The following ZNF469 variants were observed in gnomAD, a reference collection of about 807,000 sequenced individuals.
ZNF469 encodes zinc finger protein 469.
In ZNF469, 1 loss-of-function variant was observed where a neutral mutation model predicts 1.0. The ratio of observed to expected loss-of-function variants is 1.00; its 90% confidence interval spans 0.35 to 4.73. ZNF469 has a LOEUF of 4.73. Among genes scored for constraint, ZNF469 ranks in the 30% most tolerant of loss-of-function variants. The pLI, the probability that ZNF469 is intolerant of heterozygous loss-of-function variation, is 0.16. For synonymous variants in ZNF469, 2,703 were observed against 2,363.4 expected (o/e 1.14, Z -4.17); for missense variants, 6,100 against 5,356.3 (o/e 1.14, Z -4.33).
chr16:88,328,449 C>T, the ZNF469 span, among the ~76,000 whole-genome samples: 1 of 152,154 alleles, frequency 6.6e-6, no homozygotes, highest in African/African-American at 2.4e-5. Flanking sequence ...TCAGCCGGGG[C>T]CTGGCCGCAT....
At position 88,436,549 on chromosome 16, in the gene ZNF469, C is replaced by T. The variant is rs376513000; in HGVS notation, c.9079C>T (p.Arg3027Cys). Residue 3027 changes from arginine (R) to cysteine (C), a missense_variant, in exon 3 of 3, where the codon CGC (arginine) becomes TGC (cysteine). By Grantham distance (180) the Arg-to-Cys change is radical. Transcript: ENST00000565624. ...CGAGCCCCCCAGCCTGGAGAGAGAA[C>T]GCTGTGACGGTGGGCTTCCCGGGAA... ...SPEPPSLERERCDGGLPGNTH... is the reference protein window; with the variant it reads ...SPEPPSLERECCDGGLPGNTH... 137 of 1,549,702 alleles carry T rather than the reference C, an allele frequency of 8.8e-5. 1 individual carries two copies. The African/African-American group carries it at 1.4e-3, about 16-fold the overall frequency.
the ZNF469 span, among the ~76,000 whole-genome samples, chr16:88,204,779 G>C: frequency 1.3e-5 from 2 of 152,150 alleles, no homozygotes; most frequent in African/African-American, 4.8e-5. Flanking sequence ...CTGGAGTGGG[G>C]CGTTCACTGG....
Position 88,437,920 on chromosome 16 carries a change from C to T in ZNF469, c.10450C>T (p.Pro3484Ser). The change falls in exon 3 of 3, where the codon CCT (proline) becomes TCT (serine). Residue 3484 changes from proline to serine, a missense_variant. By Grantham distance (74) the Pro-to-Ser change is moderately conservative (BLOSUM62 -1). Coordinates refer to ENST00000565624, the MANE Select transcript of ZNF469 (RefSeq NM_001367624.2). ...RRRVAMPGSA[P>S]GPGEDRPPPR... ...CAGGGTGGCCATGCCCGGCAGTGCC[C>T]CTGGGCCCGGCGAGGACAGGCCTCC... is the stretch of plus-strand genomic sequence containing the variant. 1 of 1,540,814 alleles carries T rather than the reference C, an allele frequency of 6.5e-7. No homozygotes were observed. The highest frequency in any genetic ancestry group is 8.8e-7 in the Non-Finnish European group (1 of 1,142,078).
At chr16:88,175,562 T>C in the ZNF469 span, among the ~76,000 whole-genome samples, 3 of 152,186 alleles carry the variant, frequency 2.0e-5, no homozygotes, top group African/African-American at 7.2e-5. Flanking sequence ...ACCTAAATAT[T>C]TGAAATTAAA....
chr16:88,381,267 C>G (rs1318696497), upstream of ZNF469, among the ~76,000 whole-genome samples: 1 of 150,772 alleles, frequency 6.6e-6, no homozygotes, highest in Non-Finnish European at 1.5e-5. Context: ...CGCACTCACA[C>G]AGACATGCAC....
chr16:88,429,965 T>C lies in ZNF469; in HGVS notation c.2495T>C (p.Leu832Pro). Residue 832 changes from leucine (L) to proline (P), a missense_variant, in exon 3 of 3, where the codon CTG (leucine) becomes CCG (proline). Leu to Pro is a moderately conservative substitution (Grantham distance 98). Transcript: ENST00000565624. ...ATPFPLPASD[L>P]DMEDDAKLDS... ...CCCTTCCCGCTCCCTGCCTCGGACC[T>C]GGACATGGAGGATGACGCCAAGCTG... 4 of 1,550,216 alleles carry C rather than the reference T, an allele frequency of 2.6e-6. No individual in the cohort carries two copies. In the South Asian group the frequency reaches 4.8e-5, roughly 18 times the overall value.
the ZNF469 span, among the ~76,000 whole-genome samples, chr16:88,107,093 C>T: frequency 7.2e-5 from 11 of 152,262 alleles, no homozygotes; most frequent in South Asian, 6.2e-4. Flanking sequence ...CTCTCAGGCC[C>T]GCACGGGAGG....
In ZNF469 at chr16:88,433,998, A is replaced by G. The variant is rs1410813149; in HGVS notation, c.6528A>G (p.Glu2176=). ...LACSPAWAPL[E]EADGVQATTD... The stretch of plus-strand genomic sequence containing the variant: ...GTTCTCCTGCCTGGGCACCTCTGGA[A>G]GAGGCAGATGGCGTCCAAGCCACGA... Residue 2176 remains glutamate (E), a synonymous_variant, in exon 3 of 3, where the codon GAA becomes GAG. Transcript: ENST00000565624. 2 of 1,550,276 alleles carry G rather than the reference A, an allele frequency of 1.3e-6. No individual in the cohort carries two copies. Among genetic ancestry groups the G allele is most frequent in the Admixed American group, 3.9e-5 (2 of 51,010 alleles).
chr16:88,395,401 A>C (rs976225067), intron 1 of ZNF469, among the ~76,000 whole-genome samples: 2 of 138,722 alleles, frequency 1.4e-5, no homozygotes, highest in Admixed American at 1.4e-4. Flanking sequence ...AGGTAGGTAG[A>C]TAGAAAGATA....
chr16:88,355,542 G>A, the ZNF469 span, among the ~76,000 whole-genome samples: 2 of 152,214 alleles, frequency 1.3e-5, no homozygotes. Context: ...GCCGATCCTG[G>A]GGGTGGGTGA....
At chr16:88,371,617 A>G in the ZNF469 span, among the ~76,000 whole-genome samples, 992 of 152,162 alleles carry the variant, frequency 6.5e-3, 11 homozygotes, top group African/African-American at 0.021. Context: ...ATGCATTCAC[A>G]CTCATGCTTA....
the ZNF469 span, among the ~76,000 whole-genome samples, chr16:88,116,577 C>T: frequency 9.9e-5 from 15 of 152,224 alleles, no homozygotes. Flanking sequence ...ACAGGCAGAA[C>T]GTGGAGACAA....
chr16:88,391,880 A>T (rs1243053723), intron 1 of ZNF469, among the ~76,000 whole-genome samples: 1 of 152,252 alleles, frequency 6.6e-6, no homozygotes, highest in Non-Finnish European at 1.5e-5. Flanking sequence ...AGAAATAGCT[A>T]GAAAAATTTA....
chr16:88,439,405 T>C lies in ZNF469; in HGVS notation c.*73T>C. The C allele has an allele frequency of 6.7e-7, 1 of 1,497,112 alleles. No homozygotes were observed. Among genetic ancestry groups the C allele is most frequent in the African/African-American group, 1.4e-5 (1 of 72,086 alleles). The allele number at this position is 1,497,112 out of a possible 1,614,324, so 92.7% of individuals were successfully genotyped here. A position where few individuals can be genotyped will look rare whatever the true frequency, so the allele number is the denominator to read the frequency against. On this transcript the variant is annotated 3_prime_UTR_variant, in exon 3 of 3. Coordinates refer to ENST00000565624, the MANE Select transcript of ZNF469 (RefSeq NM_001367624.2). Reference sequence around the variant, plus strand: ...GCCTGCCTCCTTGGCCAGCTCCGGCTCCCTGAGATGGTCCACTCTGTGGCC... The same window carrying C: ...GCCTGCCTCCTTGGCCAGCTCCGGCCCCCTGAGATGGTCCACTCTGTGGCC...
the ZNF469 span, among the ~76,000 whole-genome samples, chr16:88,372,919 G>T: frequency 2.2e-5 from 3 of 138,852 alleles, no homozygotes; most frequent in African/African-American, 8.2e-5. Flanking sequence ...ACATCATCAT[G>T]ATCTTTACCA....
At chr16:88,418,130 A>G (rs574956619) in intron 1 of ZNF469, among the ~76,000 whole-genome samples, 1 of 152,324 alleles carries the variant, frequency 6.6e-6, no homozygotes, top group South Asian at 2.1e-4. Context: ...ACTCCCTGCC[A>G]GGCCCAGGAT....
At chr16:88,247,072 T>A in the ZNF469 span, among the ~76,000 whole-genome samples, 2 of 150,786 alleles carry the variant, frequency 1.3e-5, no homozygotes, top group African/African-American at 4.9e-5. Flanking sequence ...AGTGAGTGAC[T>A]GAGTGAGTGA....
the ZNF469 span, among the ~76,000 whole-genome samples, chr16:88,300,628 G>A: frequency 3.3e-5 from 5 of 152,090 alleles, no homozygotes; most frequent in Non-Finnish European, 7.4e-5. Context: ...CACTTGCATA[G>A]AGCACGTGAT....
At chr16:88,415,569 G>A (rs985150898) in intron 1 of ZNF469, among the ~76,000 whole-genome samples, 9 of 152,248 alleles carry the variant, frequency 5.9e-5, no homozygotes, top group African/African-American at 2.2e-4. Context: ...CCTCTGCAAA[G>A]TGTCTGGAAA....
Sources: allele counts gnomAD v4.1 joint callset (sites outside exome capture counted in the v4.1 genomes callset), GRCh38; gene constraint gnomAD v4.1.1; transcripts MANE v1.5; gene names NCBI Gene and HGNC (gene_info 2026-07-23, HGNC 2026-07-21).